CTNNA3: variants seen among roughly 807,000 people sequenced by gnomAD.
CTNNA3 encodes catenin alpha 3, also known as catenin alpha-3.
A neutral mutation model predicts 95.7 loss-of-function variants in CTNNA3; 76 were observed. The observed-to-expected ratio is 0.79, with a 90% confidence interval of 0.66 to 0.96. The LOEUF (loss-of-function observed/expected upper bound fraction) is 0.96, where lower values mean the gene tolerates loss of function less well. CTNNA3 is among the 40% of genes least tolerant of loss of function. CTNNA3 has a pLI of 0.00. For synonymous variants in CTNNA3, 431 were observed against 374.4 expected, an observed-to-expected ratio of 1.15 and a Z score of -1.74; for missense variants, 1,191 against 1,089.8, an observed-to-expected ratio of 1.09 and a Z score of -1.31.
chr10:67,187,811 C>G (rs1414866332), intron 6 of CTNNA3, among the ~76,000 whole-genome samples: 1 of 152,112 alleles, frequency 6.6e-6, no homozygotes, highest in African/African-American at 2.4e-5. Flanking sequence ...GTCTCAAACT[C>G]CTGAGTTCAG....
chr10:66,441,264 G>A (rs779430032), intron 11 of CTNNA3, among the ~76,000 whole-genome samples: 7 of 152,100 alleles, frequency 4.6e-5, no homozygotes, highest in Non-Finnish European at 8.8e-5. Flanking sequence ...AAGTAAAATT[G>A]TAATGTGACA....
At chr10:65,986,180 C>A (rs1329096126) in intron 16 of CTNNA3, among the ~76,000 whole-genome samples, 3 of 151,056 alleles carry the variant, frequency 2.0e-5, no homozygotes, top group African/African-American at 7.3e-5. Flanking sequence ...AATCCTGTAC[C>A]TTATTTACCC....
chr10:67,643,827 T>C (rs1839616655), intron 2 of CTNNA3, among the ~76,000 whole-genome samples: 1 of 152,128 alleles, frequency 6.6e-6, no homozygotes, highest in Non-Finnish European at 1.5e-5. Flanking sequence ...AATGATGGTT[T>C]CCAGCTTCAT....
rs1377304350 is a variant in CTNNA3 at position 66,947,400 on chromosome 10, A to G, written c.1048-171876T>C. ...ATTGAAATTACCATTTCACTATATC[A>G]CAAGGTATTTTCTTTATGAGGGTCC... On this transcript the variant is annotated intron_variant, in intron 7 of 17. Coordinates refer to ENST00000433211, the MANE Select transcript of CTNNA3 (RefSeq NM_013266.4). 2.6e-5 allele frequency among the ~76,000 whole-genome samples: 4 copies of G among 152,162 alleles called. No homozygotes were observed. In the East Asian group the frequency reaches 7.7e-4, roughly 29 times the overall value.
chr10:66,563,037 A>T (rs1320403278), intron 10 of CTNNA3, among the ~76,000 whole-genome samples: 1 of 152,122 alleles, frequency 6.6e-6, no homozygotes, highest in African/African-American at 2.4e-5. Flanking sequence ...ATTGCTTTTT[A>T]TGTGTCAGTG....
chr10:67,620,703 A>C lies in CTNNA3; in HGVS notation c.100-13654T>G, dbSNP rs1168961121. Among the ~76,000 whole-genome samples, 3 of 152,074 alleles carry C rather than the reference A, an allele frequency of 2.0e-5. No individual in the cohort carries two copies. The East Asian group carries it at 5.8e-4, about 29-fold the overall frequency. Reference sequence around the variant, plus strand: ...TTATACGATGCATCCTAATTTCAGAAATGGTAAAAAATGTGAGGTGGACAA... The same window carrying C: ...TTATACGATGCATCCTAATTTCAGACATGGTAAAAAATGTGAGGTGGACAA... On this transcript the variant is annotated intron_variant, in intron 2 of 17. Transcript: ENST00000433211.
rs1188954832 is a variant in CTNNA3 at position 66,865,213 on chromosome 10, C to CATGTGTGT, written c.1048-89690_1048-89689insACACACAT. On this transcript the variant is annotated intron_variant, in intron 7 of 17. Coordinates refer to ENST00000433211, the MANE Select transcript of CTNNA3 (RefSeq NM_013266.4). ...AACAGGCATGGGGTGTGTGTGTGTG[C>CATGTGTGT]GTGTGTGTGTGTGTGTGTGTGTGTG... 7.6e-5 allele frequency among the ~76,000 whole-genome samples: 11 copies of CATGTGTGT among 143,928 alleles called. No individual in the cohort carries two copies. The South Asian group carries it at 2.4e-3, about 31-fold the overall frequency. The allele number at this position is 143,928 out of a possible 152,430, so 94.4% of individuals were successfully genotyped here.
At position 66,082,678 on chromosome 10, in the gene CTNNA3, A is replaced by G. The variant is rs201486428; in HGVS notation, c.1978-13189T>C. 8.5e-5 allele frequency among the ~76,000 whole-genome samples: 13 copies of G among 152,078 alleles called. No homozygotes were observed. In the East Asian group the frequency reaches 1.9e-3, roughly 23 times the overall value. ...GGAAATTAGGTGAAAGGCCTATAGGATCTCTGTACTTTTTTCAGCTTTCTG... is the reference window on the plus strand; with the variant it reads ...GGAAATTAGGTGAAAGGCCTATAGGGTCTCTGTACTTTTTTCAGCTTTCTG... On this transcript the variant is annotated intron_variant, in intron 14 of 17. Coordinates refer to ENST00000433211, the MANE Select transcript of CTNNA3 (RefSeq NM_013266.4).
intron 7 of CTNNA3, among the ~76,000 whole-genome samples, chr10:66,839,585 C>T (rs1842981532): frequency 6.6e-6 from 1 of 151,710 alleles, no homozygotes; most frequent in Non-Finnish European, 1.5e-5. Context: ...ACTTAATGTC[C>T]CCAGAAAATT....
intron 15 of CTNNA3, among the ~76,000 whole-genome samples, chr10:66,030,032 C>T (rs924822400): frequency 2.0e-5 from 3 of 152,182 alleles, no homozygotes; most frequent in Non-Finnish European, 4.4e-5. Context: ...TGAAAGATCT[C>T]TACAAGAACT....
At chr10:66,498,047 GA>G (rs1840157181) in intron 11 of CTNNA3, among the ~76,000 whole-genome samples, 3 of 152,088 alleles carry the variant, frequency 2.0e-5, no homozygotes, top group Non-Finnish European at 2.9e-5. Context: ...ATGTCACTGA[GA>G]TTTTTTTTAA....
rs200753481 is a variant in CTNNA3, at chr10:67,559,863, G to A, written c.293-20194C>T. Among the ~76,000 whole-genome samples the A allele has an allele frequency of 5.9e-5, 9 of 152,248 alleles. No homozygotes were observed. The East Asian group carries it at 1.4e-3, about 23-fold the overall frequency. On this transcript the variant is annotated intron_variant, in intron 3 of 17. Transcript: ENST00000433211. ...ATGCAGAAGCCTCAGGAGCCGATGC[G>A]ATCAACTGGAAGAAAGGGTATCAGT...
At chr10:66,853,448 G>GC (rs1206030027) in intron 7 of CTNNA3, among the ~76,000 whole-genome samples, 2 of 152,064 alleles carry the variant, frequency 1.3e-5, no homozygotes, top group Non-Finnish European at 2.9e-5. Flanking sequence ...CCCAGAACAT[G>GC]CAAGCACATA....
intron 7 of CTNNA3, among the ~76,000 whole-genome samples, chr10:67,084,685 A>C (rs1041669117): frequency 6.6e-6 from 1 of 151,938 alleles, no homozygotes; most frequent in African/African-American, 2.4e-5. Flanking sequence ...ACACTTAAAT[A>C]ACAGAGTAAA....
At chr10:67,539,704 A>C in intron 3 of CTNNA3, 35 bp from the exon 4 acceptor site, 1 of 1,583,966 alleles carries the variant, frequency 6.3e-7, no homozygotes, top group South Asian at 1.1e-5. Context: ...TTATACTTTA[A>C]GTTTCAACTA....
At chr10:66,801,272 G>C (rs1349897432) in intron 7 of CTNNA3, among the ~76,000 whole-genome samples, 1 of 151,192 alleles carries the variant, frequency 6.6e-6, no homozygotes, top group Non-Finnish European at 1.5e-5. Context: ...TAACTAGTAA[G>C]TTAGCCAGAT....
At chr10:66,590,747 A>G (rs1843521689) in intron 10 of CTNNA3, among the ~76,000 whole-genome samples, 1 of 152,106 alleles carries the variant, frequency 6.6e-6, no homozygotes, top group Non-Finnish European at 1.5e-5. Flanking sequence ...ACTTTTCAGT[A>G]GTTCTAAAGA....
intron 5 of CTNNA3, among the ~76,000 whole-genome samples, chr10:67,430,820 TACAC>T (rs371146065): frequency 3.6e-4 from 50 of 138,852 alleles, no homozygotes; most frequent in Middle Eastern, 3.8e-3. Context: ...CAAACATAAC[TACAC>T]ACACACACAC....
At chr10:66,481,473 T>C (rs1839527155) in intron 11 of CTNNA3, among the ~76,000 whole-genome samples, 1 of 119,918 alleles carries the variant, frequency 8.3e-6, no homozygotes, top group African/African-American at 3.7e-5. Context: ...TTTTTTTTTT[T>C]TTTTTTTTTT....
Sources: gnomAD v4.1 joint callset for allele counts (sites outside exome capture counted in the v4.1 genomes callset) on GRCh38, gnomAD v4.1.1 for gene constraint, MANE v1.5 for transcripts, NCBI Gene and HGNC (gene_info 2026-07-23, HGNC 2026-07-21) for gene names.